The following HRH2 variants were observed in gnomAD, a reference collection of about 807,000 sequenced individuals.
HRH2 encodes histamine H2 receptor.
A neutral mutation model predicts 20.1 loss-of-function variants in HRH2; 4 were observed. The ratio of observed to expected loss-of-function variants is 0.20; its 90% confidence interval spans 0.10 to 0.45. The LOEUF is 0.45. Ranked by LOEUF, HRH2 falls within the 20% of genes least tolerant of loss-of-function variation. HRH2 has a pLI of 0.99. For missense variants in HRH2, 250 were observed against 461.6 expected, an observed-to-expected ratio of 0.54 and a Z score of 4.20; for synonymous variants, 197 against 200.7, an observed-to-expected ratio of 0.98 and a Z score of 0.16.
intron 1 of HRH2, among the ~76,000 whole-genome samples, chr5:175,663,321 G>C (rs1762791967): frequency 6.6e-6 from 1 of 152,174 alleles, no homozygotes; most frequent in Non-Finnish European, 1.5e-5. Flanking sequence ...CCTTTCCAAA[G>C]CTTCTTAGGT....
chr5:175,709,229 T>G lies in HRH2; in HGVS notation c.*1258T>G, dbSNP rs1278904588. 6.6e-6 allele frequency: 1 copy of G among 152,224 alleles called. No individual in the cohort carries two copies. The highest frequency in any genetic ancestry group is 1.9e-4 in the East Asian group (1 of 5,178). The allele number at this position is 152,224 out of a possible 1,614,324, so 9.4% of individuals were successfully genotyped here. A position where few individuals can be genotyped will look rare whatever the true frequency, so the allele number is the denominator to read the frequency against. ...CCCTCCCTGACATCCCCGACCTCCC[T>G]TTTCTGTCCCTTTTGCAACTCATTG... On this transcript the variant is annotated 3_prime_UTR_variant, in exon 3 of 3. Coordinates refer to ENST00000636584, the MANE Select transcript of HRH2 (RefSeq NM_001367711.1).
intron 1 of HRH2, among the ~76,000 whole-genome samples, chr5:175,660,824 T>A (rs997781424): frequency 2.0e-5 from 3 of 152,206 alleles, no homozygotes; most frequent in African/African-American, 4.8e-5. Flanking sequence ...CATCTTCTTG[T>A]CTCTTATCTT....
At chr5:175,675,883 C>T (rs190898917) in intron 1 of HRH2, among the ~76,000 whole-genome samples, 1 of 152,190 alleles carries the variant, frequency 6.6e-6, no homozygotes, top group East Asian at 1.9e-4. Flanking sequence ...GAAAAAGAAG[C>T]CTTTCTCCCA....
chr5:175,684,244 G>A lies in HRH2; in HGVS notation c.1011G>A (p.Glu337=). The part of the protein sequence containing the change: ...TQSREPRQQE[E]KPLKLQVWSG... ...GCCGAGAACCCAGGCAACAGGAAGA[G>A]AAACCCCTGAAGCTCCAGGTGTGGA... Residue 337 remains glutamate, a synonymous_variant, in exon 2 of 3, where the codon GAG becomes GAA. Coordinates refer to ENST00000636584, the MANE Select transcript of HRH2 (RefSeq NM_001367711.1). 6.2e-7 allele frequency: 1 copy of A among 1,614,204 alleles called. No homozygotes were observed. The highest frequency in any genetic ancestry group is 1.3e-5 in the African/African-American group (1 of 75,042).
intron 1 of HRH2, among the ~76,000 whole-genome samples, chr5:175,680,747 C>T (rs749141106): frequency 1.3e-5 from 2 of 152,058 alleles, no homozygotes; most frequent in South Asian, 2.1e-4. Flanking sequence ...CCCCTGCCCT[C>T]GAAAAAGGTG....
Position 175,683,112 on chromosome 5 carries a change from ACTGGAC to A in HRH2, c.-121_-116del. On this transcript the variant is annotated 5_prime_UTR_variant, in exon 2 of 3. Coordinates refer to ENST00000636584, the MANE Select transcript of HRH2 (RefSeq NM_001367711.1). ...TGGCCAAAAAAAAAAAAAAAAAAAAACTGGACACATTTTGGATCTGTTGGGAGCTTG... is the reference window on the plus strand; with the variant it reads ...TGGCCAAAAAAAAAAAAAAAAAAAAAACATTTTGGATCTGTTGGGAGCTTG... 2.5e-6 allele frequency: 3 copies of A among 1,207,468 alleles called. No individual in the cohort carries two copies. Among genetic ancestry groups the A allele is most frequent in the Non-Finnish European group, 3.4e-6 (3 of 876,330 alleles). 74.8% of individuals were successfully genotyped at this position (1,207,468 alleles called of 1,614,324 possible).
At chr5:175,675,468 C>T (rs768490355) in intron 1 of HRH2, among the ~76,000 whole-genome samples, 5 of 152,218 alleles carry the variant, frequency 3.3e-5, no homozygotes, top group Non-Finnish European at 7.3e-5. Context: ...CAGGCATTGC[C>T]ATTTTTATCC....
intron 1 of HRH2, among the ~76,000 whole-genome samples, chr5:175,665,507 C>A (rs1762862293): frequency 6.6e-6 from 1 of 152,166 alleles, no homozygotes; most frequent in Non-Finnish European, 1.5e-5. Flanking sequence ...GGCATCCCTG[C>A]TTGGCATCAG....
At chr5:175,688,752 T>G (rs1177847819) in intron 2 of HRH2, among the ~76,000 whole-genome samples, 1 of 152,170 alleles carries the variant, frequency 6.6e-6, no homozygotes, top group African/African-American at 2.4e-5. Flanking sequence ...AGATACCAGA[T>G]AGGGAAAATG....
intron 2 of HRH2, among the ~76,000 whole-genome samples, chr5:175,703,565 A>G (rs1205762408): frequency 6.6e-6 from 1 of 152,188 alleles, no homozygotes. Flanking sequence ...GAAACAGTAG[A>G]GACAAAGGAA....
chr5:175,672,996 GGGTGGTAAAAGAGGA>G (rs1350320700), intron 1 of HRH2, among the ~76,000 whole-genome samples: 1 of 152,080 alleles, frequency 6.6e-6, no homozygotes, highest in African/African-American at 2.4e-5. Context: ...CTGAGGCCTC[GGGTGGTAAAAGAGGA>G]GATGGAGCAG....
intron 2 of HRH2, among the ~76,000 whole-genome samples, chr5:175,705,108 T>C (rs1581471278): frequency 6.6e-6 from 1 of 152,236 alleles, no homozygotes; most frequent in South Asian, 2.1e-4. Context: ...TATAAAGATG[T>C]TTCTCCTTGC....
At chr5:175,702,881 T>C (rs1165699809) in intron 2 of HRH2, among the ~76,000 whole-genome samples, 2 of 152,052 alleles carry the variant, frequency 1.3e-5, no homozygotes, top group African/African-American at 4.8e-5. Flanking sequence ...ATACCATCTT[T>C]AAAGATAAAT....
chr5:175,668,082 T>G (rs916458591), intron 1 of HRH2, among the ~76,000 whole-genome samples: 1 of 152,188 alleles, frequency 6.6e-6, no homozygotes, highest in Admixed American at 6.5e-5. Context: ...GGCCAGGTGC[T>G]GAAAAGCCAT....
Position 175,710,240 on chromosome 5 carries a change from A to T in HRH2, c.*2269A>T, listed in dbSNP as rs939646930. 1 of 152,188 alleles carries T rather than the reference A, an allele frequency of 6.6e-6. No individual in the cohort carries two copies. The highest frequency in any genetic ancestry group is 1.5e-5 in the Non-Finnish European group (1 of 68,096). 9.4% of individuals were successfully genotyped at this position (152,188 alleles called of 1,614,324 possible). On this transcript the variant is annotated 3_prime_UTR_variant, in exon 3 of 3. Transcript: ENST00000636584. ...GTTGTCTGTCTAACCCCTAGAGGAG[A>T]GTTTGTCACATGGTAGGAGCTTAAT...
rs755272739 is a variant in HRH2, at chr5:175,684,183, T to C, written c.950T>C (p.Leu317Pro). The change falls in exon 2 of 3, where the codon CTG (leucine) becomes CCG (proline). Residue 317 changes from leucine (L) to proline (P), a missense_variant. Physicochemically the swap from Leu to Pro is moderately conservative, Grantham distance 98. This residue lies in a region of HRH2 where 55 missense variants were observed against 66.9 expected (regional missense o/e 0.82). Coordinates refer to ENST00000636584, the MANE Select transcript of HRH2 (RefSeq NM_001367711.1). ...LANRNSHKTSLRSNASQLSRT... is the reference protein window; with the variant it reads ...LANRNSHKTSPRSNASQLSRT... ...AACCGCAACTCCCACAAAACTTCTCTGAGGTCCAACGCCTCTCAGCTGTCC... is the reference window on the plus strand; with the variant it reads ...AACCGCAACTCCCACAAAACTTCTCCGAGGTCCAACGCCTCTCAGCTGTCC... The C allele has an allele frequency of 6.2e-7, 1 of 1,614,154 alleles. No homozygotes were observed. Among genetic ancestry groups the C allele is most frequent in the Non-Finnish European group, 8.5e-7 (1 of 1,180,014 alleles).
chr5:175,667,305 G>A lies in HRH2; in HGVS notation c.-526+9150G>A, dbSNP rs192716200. ...CTAAAAATACAAAAATTAGCTGGGC[G>A]TGGTGGCAGGTGCCTGTAATCGCAG... is the stretch of plus-strand genomic sequence containing the variant. On this transcript the variant is annotated intron_variant, in intron 1 of 2. Coordinates refer to ENST00000636584, the MANE Select transcript of HRH2 (RefSeq NM_001367711.1). Among the ~76,000 whole-genome samples the A allele has an allele frequency of 1.1e-3, 162 of 152,172 alleles. 1 individual carries two copies. The highest frequency in any genetic ancestry group is 3.6e-3 in the African/African-American group (148 of 41,520).
intron 2 of HRH2, 160 bp downstream of exon 2, chr5:175,684,469 GC>G: frequency 1.8e-6 from 1 of 540,994 alleles, no homozygotes; most frequent in African/African-American, 2.1e-5. Context: ...CCTCCCAACG[GC>G]CCCCAAAGGT....
chr5:175,696,663 G>A (rs1756591611), intron 2 of HRH2, among the ~76,000 whole-genome samples: 1 of 152,314 alleles, frequency 6.6e-6, no homozygotes, highest in South Asian at 2.1e-4. Context: ...GGGAGGTGGG[G>A]GAGGGGCTCC....
Sources: allele counts gnomAD v4.1 joint callset (sites outside exome capture counted in the v4.1 genomes callset), GRCh38; gene constraint gnomAD v4.1.1; regional missense constraint gnomAD v4.1.1; transcripts MANE v1.5; gene names NCBI Gene and HGNC (gene_info 2026-07-23, HGNC 2026-07-21).